PLEKHA5: variants seen among roughly 807,000 people sequenced by gnomAD.
PLEKHA5 encodes pleckstrin homology domain containing A5, also known as pleckstrin homology domain-containing family A member 5.
In PLEKHA5, 55 loss-of-function variants were observed where a neutral mutation model predicts 181.9. The ratio of observed to expected loss-of-function variants is 0.30; its 90% CI spans 0.24 to 0.38. The LOEUF (loss-of-function observed/expected upper bound fraction) is 0.38. Ranked by LOEUF, PLEKHA5 falls within the 10% of genes least tolerant of loss-of-function variation. The probability of loss-of-function intolerance (pLI) is 1.00; values close to 1 mark genes in which losing one functional copy is unlikely to be tolerated. For missense variants in PLEKHA5, 1,432 were observed against 1,549.5 expected (o/e 0.92, Z 1.27); for synonymous variants, 535 against 529.4 (o/e 1.01, Z -0.15).
intron 15 of PLEKHA5, among the ~76,000 whole-genome samples, chr12:19,302,454 G>A (rs1468409960): frequency 6.6e-6 from 1 of 152,164 alleles, no homozygotes; most frequent in Non-Finnish European, 1.5e-5. Flanking sequence ...GGAGTGCAGT[G>A]GCATGATTTT....
At chr12:19,344,421 A>G (rs1043037357) in intron 22 of PLEKHA5, among the ~76,000 whole-genome samples, 1 of 152,192 alleles carries the variant, frequency 6.6e-6, no homozygotes, top group Non-Finnish European at 1.5e-5. Flanking sequence ...TTTTTTCTCC[A>G]TAACAATGCA....
At chr12:19,229,029 G>C (rs1338304644) in intron 3 of PLEKHA5, among the ~76,000 whole-genome samples, 1 of 152,152 alleles carries the variant, frequency 6.6e-6, no homozygotes, top group East Asian at 1.9e-4. Flanking sequence ...CAAATGAAGT[G>C]TAAAAACAGA....
chr12:19,280,832 T>C (rs533878167), intron 11 of PLEKHA5, among the ~76,000 whole-genome samples: 1 of 151,834 alleles, frequency 6.6e-6, no homozygotes, highest in South Asian at 2.1e-4. Context: ...TGCCTCAGCC[T>C]CCCGAGTAGC....
chr12:19,353,716 C>T (rs577722539), intron 25 of PLEKHA5, among the ~76,000 whole-genome samples, 168 bp from the exon 26 acceptor site: 181 of 152,336 alleles, frequency 1.2e-3, no homozygotes, highest in Non-Finnish European at 2.1e-3. Flanking sequence ...GCCTTGGCCT[C>T]CCAAAGTGCT....
intron 30 of PLEKHA5, among the ~76,000 whole-genome samples, chr12:19,366,652 C>G (rs565662675): frequency 6.6e-6 from 1 of 152,196 alleles, no homozygotes; most frequent in African/African-American, 2.4e-5. Flanking sequence ...GACTCCTTCT[C>G]AGAAAAGAAA....
At chr12:19,200,331 A>G (rs1010262499) in intron 3 of PLEKHA5, 2 of 1,529,742 alleles carry the variant, frequency 1.3e-6, no homozygotes, top group Non-Finnish European at 1.8e-6. Context: ...CCAGCTGAAT[A>G]GATTTCCTTT....
At chr12:19,296,405 G>A (rs916608283) in intron 15 of PLEKHA5, among the ~76,000 whole-genome samples, 6 of 151,932 alleles carry the variant, frequency 3.9e-5, no homozygotes, top group South Asian at 4.2e-4. Context: ...AAAATTAGCC[G>A]GGCCTGGTGG....
At chr12:19,368,120 T>C (rs550133165) in intron 30 of PLEKHA5, among the ~76,000 whole-genome samples, 1 of 152,212 alleles carries the variant, frequency 6.6e-6, no homozygotes, top group Admixed American at 6.5e-5. Flanking sequence ...TTAAAATAAA[T>C]TATAAATTTA....
Position 19,359,268 on chromosome 12 carries a change from A to G in PLEKHA5, c.3349-144A>G, listed in dbSNP as rs2095105496. On this transcript the variant is annotated intron_variant, in intron 27 of 31. Coordinates refer to ENST00000429027, the MANE Select transcript of PLEKHA5 (RefSeq NM_001256470.2). ...GTGTGGAATAGTGCTATATATATAA[A>G]TTTTCTTTGTTAGTTTTCATAGGAA... is the stretch of plus-strand genomic sequence containing the variant. The G allele has an allele frequency of 2.8e-5, 17 of 612,296 alleles. No individual in the cohort carries two copies. The South Asian group carries it at 3.0e-4, about 11-fold the overall frequency. The allele number at this position is 612,296 out of a possible 1,614,324, so 37.9% of individuals were successfully genotyped here.
chr12:19,132,148 AAT>A (rs1321152889), intron 2 of PLEKHA5, among the ~76,000 whole-genome samples: 2 of 152,076 alleles, frequency 1.3e-5, no homozygotes, highest in African/African-American at 4.8e-5. Flanking sequence ...TCTCCACCCT[AAT>A]ATATTACAGT....
intron 3 of PLEKHA5, chr12:19,149,337 C>G (rs1476233882): frequency 6.6e-6 from 1 of 151,642 alleles, no homozygotes; most frequent in Non-Finnish European, 1.5e-5. Flanking sequence ...CCCATCTCTA[C>G]TAAAAATGCA....
intron 20 of PLEKHA5, among the ~76,000 whole-genome samples, chr12:19,332,996 G>T (rs2092999055): frequency 6.6e-6 from 1 of 152,134 alleles, no homozygotes; most frequent in African/African-American, 2.4e-5. Flanking sequence ...TCTTTGCCTG[G>T]CTTCCTTTAA....
intron 29 of PLEKHA5, among the ~76,000 whole-genome samples, chr12:19,364,199 G>C (rs1188971388): frequency 6.6e-6 from 1 of 152,060 alleles, no homozygotes; most frequent in African/African-American, 2.4e-5. Flanking sequence ...AGAATTTCAA[G>C]TGGGAGTCAG....
At chr12:19,152,724 A>G (rs1405104145) in intron 3 of PLEKHA5, 1 of 152,218 alleles carries the variant, frequency 6.6e-6, no homozygotes, top group Non-Finnish European at 1.5e-5. Context: ...TAAGATGAAT[A>G]AGCACTGCAC....
rs545670185 is a variant in PLEKHA5, at chr12:19,198,560, C to T, written c.228-55380C>T. Reference sequence around the variant, plus strand: ...TTCATCCCCCATGAGAATATATGCTCCATGAGAGCATAGACCTTTTTACTG... The same window carrying T: ...TTCATCCCCCATGAGAATATATGCTTCATGAGAGCATAGACCTTTTTACTG... On this transcript the variant is annotated intron_variant, in intron 3 of 31. Coordinates refer to ENST00000429027, the MANE Select transcript of PLEKHA5 (RefSeq NM_001256470.2). Among the ~76,000 whole-genome samples the T allele has an allele frequency of 2.0e-5, 3 of 152,278 alleles. No homozygotes were observed. The South Asian group carries it at 6.2e-4, about 32-fold the overall frequency.
At chr12:19,320,672 G>C (rs766005838) in intron 18 of PLEKHA5, 48 bp downstream of exon 18, 1 of 819,960 alleles carries the variant, frequency 1.2e-6, no homozygotes, top group Non-Finnish European at 1.9e-6. Flanking sequence ...CGTATTCTCC[G>C]CCAAAAACAC....
At chr12:19,216,461 G>A (rs1477994358) in intron 3 of PLEKHA5, among the ~76,000 whole-genome samples, 2 of 152,032 alleles carry the variant, frequency 1.3e-5, no homozygotes, top group Non-Finnish European at 2.9e-5. Flanking sequence ...TCAGGAGTTC[G>A]AGACCAGCCT....
intron 3 of PLEKHA5, among the ~76,000 whole-genome samples, chr12:19,171,236 A>AG (rs991705649): frequency 3.2e-4 from 49 of 152,264 alleles, no homozygotes; most frequent in African/African-American, 9.4e-4. Context: ...CAATTGAGAG[A>AG]GGGAGTGAGC....
rs2032818278 is a variant in PLEKHA5, at chr12:19,129,891, A to G, written c.89+3A>G. ...GGCGGCCGAGTCTTCTTCATCAAGTAAAGAGCCGGGGACGGCACGGGGGCC... is the reference window on the plus strand; with the variant it reads ...GGCGGCCGAGTCTTCTTCATCAAGTGAAGAGCCGGGGACGGCACGGGGGCC... On this transcript the variant is annotated splice_donor_region_variant and intron_variant, in intron 1 of 31. Transcript: ENST00000429027. 6.3e-7 allele frequency: 1 copy of G among 1,598,498 alleles called. No homozygotes were observed. The highest frequency in any genetic ancestry group is 1.4e-5 in the African/African-American group (1 of 73,314).
Sources: gnomAD v4.1 joint callset for allele counts (sites outside exome capture counted in the v4.1 genomes callset) on GRCh38, gnomAD v4.1.1 for gene constraint, MANE v1.5 for transcripts, NCBI Gene and HGNC (gene_info 2026-07-23, HGNC 2026-07-21) for gene names.